CUL1: variants seen among roughly 807,000 people sequenced by gnomAD.
CUL1 encodes the protein cullin-1.
Under a neutral mutation model 118.0 loss-of-function variants are expected in CUL1, and 24 were observed. The observed-to-expected ratio is 0.20, with a 90% CI of 0.15 to 0.29. The LOEUF (loss-of-function observed/expected upper bound fraction) is 0.29, where lower values mean the gene tolerates loss of function less well. CUL1 is among the 10% of genes least tolerant of loss of function. The probability of loss-of-function intolerance (pLI) is 1.00; values close to 1 mark genes in which losing one functional copy is unlikely to be tolerated. For missense variants in CUL1, 361 were observed against 933.8 expected (o/e 0.39, Z 7.99); for synonymous variants, 332 against 340.4 (o/e 0.98, Z 0.27).
intron 2 of CUL1, among the ~76,000 whole-genome samples, chr7:148,736,118 G>A (rs1798933013): frequency 6.6e-6 from 1 of 151,966 alleles, no homozygotes; most frequent in Non-Finnish European, 1.5e-5. Flanking sequence ...AGGCTGCAGT[G>A]AGTCATGATC....
At chr7:148,770,843 G>A (rs1480735322) in intron 9 of CUL1, among the ~76,000 whole-genome samples, 2 of 152,128 alleles carry the variant, frequency 1.3e-5, no homozygotes, top group East Asian at 3.9e-4. Context: ...TGTGGTAAAT[G>A]TAAAAGACAC....
At chr7:148,767,308 C>G (rs1276836245) in intron 8 of CUL1, among the ~76,000 whole-genome samples, 1 of 151,108 alleles carries the variant, frequency 6.6e-6, no homozygotes, top group African/African-American at 2.4e-5. Context: ...TTTTAGGAAG[C>G]ATTAGAGTTG....
At chr7:148,725,372 A>G (rs558867658) in intron 1 of CUL1, among the ~76,000 whole-genome samples, 6 of 152,304 alleles carry the variant, frequency 3.9e-5, no homozygotes, top group East Asian at 3.9e-4. Context: ...TCCCAGTGTT[A>G]GCGCCATCGG....
chr7:148,711,878 A>C (rs1798065736), intron 1 of CUL1, among the ~76,000 whole-genome samples: 1 of 152,228 alleles, frequency 6.6e-6, no homozygotes, highest in Non-Finnish European at 1.5e-5. Context: ...GAGATTGTTC[A>C]TCTAAATGGG....
chr7:148,788,175 C>G (rs550854421), intron 13 of CUL1, among the ~76,000 whole-genome samples: 29 of 152,320 alleles, frequency 1.9e-4, no homozygotes, highest in African/African-American at 5.8e-4. Context: ...TACCTCCACA[C>G]AGCATCACGT....
At chr7:148,717,634 A>T (rs1798258910) in intron 1 of CUL1, among the ~76,000 whole-genome samples, 1 of 151,604 alleles carries the variant, frequency 6.6e-6, no homozygotes, top group East Asian at 1.9e-4. Context: ...AAGACCTTGC[A>T]TCCTCTTCCC....
intron 2 of CUL1, among the ~76,000 whole-genome samples, chr7:148,750,149 G>A (rs938541377): frequency 3.3e-5 from 5 of 152,218 alleles, no homozygotes; most frequent in Admixed American, 1.3e-4. Flanking sequence ...TTTTATAACA[G>A]TAGTGCAAGG....
chr7:148,721,553 A>G (rs1798397751), intron 1 of CUL1, among the ~76,000 whole-genome samples: 1 of 152,096 alleles, frequency 6.6e-6, no homozygotes, highest in South Asian at 2.1e-4. Flanking sequence ...ATTTTTCAAC[A>G]TATGTACAAT....
At chr7:148,737,585 TA>T (rs1798998614) in intron 2 of CUL1, among the ~76,000 whole-genome samples, 1 of 118,496 alleles carries the variant, frequency 8.4e-6, no homozygotes, top group African/African-American at 6.8e-5. Flanking sequence ...TATATTTATT[TA>T]TTTATTTATT....
chr7:148,737,985 C>G (rs1054187646), intron 2 of CUL1, among the ~76,000 whole-genome samples: 1 of 152,180 alleles, frequency 6.6e-6, no homozygotes, highest in Non-Finnish European at 1.5e-5. Context: ...ATTTCCACTT[C>G]TTAAGTCGCA....
At chr7:148,766,750 G>A in intron 8 of CUL1, 27 bp downstream of exon 8, 1 of 1,585,164 alleles carries the variant, frequency 6.3e-7, no homozygotes, top group Non-Finnish European at 8.6e-7. Flanking sequence ...ATAAAATGTA[G>A]GTATTTATAA....
chr7:148,792,458 T>C (rs1268575374), intron 16 of CUL1, among the ~76,000 whole-genome samples: 1 of 152,220 alleles, frequency 6.6e-6, no homozygotes, highest in African/African-American at 2.4e-5. Flanking sequence ...ATAGTATGTA[T>C]CCACATAGAC....
At position 148,783,875 on chromosome 7, in the gene CUL1, G is replaced by A. The variant is rs1455978009; in HGVS notation, c.1176G>A (p.Val392=). ...MSAFNNDAGF[V]AALDKACGRF... is the part of the protein sequence containing the mutation. ...CATTCAACAATGACGCTGGCTTTGT[G>A]GCTGCTCTTGATAAGGTAGGTGCGT... Residue 392 remains valine, a synonymous_variant, in exon 10 of 22, where the codon GTG becomes GTA. Transcript: ENST00000325222. The A allele has an allele frequency of 6.2e-7, 1 of 1,614,082 alleles. No individual in the cohort carries two copies. The highest frequency in any genetic ancestry group is 1.3e-5 in the African/African-American group (1 of 75,014).
At chr7:148,767,191 T>C (rs1193752698) in intron 8 of CUL1, among the ~76,000 whole-genome samples, 1 of 152,258 alleles carries the variant, frequency 6.6e-6, no homozygotes, top group African/African-American at 2.4e-5. Context: ...TTTGTTTTTA[T>C]AATTGAGATA....
At chr7:148,779,109 A>C (rs1163256832) in intron 9 of CUL1, among the ~76,000 whole-genome samples, 2 of 152,222 alleles carry the variant, frequency 1.3e-5, no homozygotes, top group Admixed American at 1.3e-4. Flanking sequence ...AGTAAGATAA[A>C]AAGTTATGTG....
At chr7:148,785,326 T>C (rs1800778543) in intron 11 of CUL1, among the ~76,000 whole-genome samples, 1 of 152,116 alleles carries the variant, frequency 6.6e-6, no homozygotes, top group African/African-American at 2.4e-5. Flanking sequence ...GATACTCCAC[T>C]GGGTCTTCAT....
chr7:148,797,348 C>A lies in CUL1; in HGVS notation c.1900-464C>A, dbSNP rs145780117. 6.7e-5 allele frequency among the ~76,000 whole-genome samples: 10 copies of A among 148,232 alleles called. No individual in the cohort carries two copies. In the East Asian group the frequency reaches 2.0e-3, roughly 29 times the overall value. ...CATCCCTAATCCAAAAATCCAGATT[C>A]CAGAATGCTCCACAATCCAAACATT... On this transcript the variant is annotated intron_variant, in intron 17 of 21. Transcript: ENST00000325222.
chr7:148,759,685 C>A, intron 6 of CUL1, 47 bp downstream of exon 6: 2 of 950,246 alleles, frequency 2.1e-6, no homozygotes, highest in East Asian at 2.5e-5. Flanking sequence ...CATCAAATGG[C>A]AATTACAACA....
chr7:148,748,481 A>C (rs1584787984), intron 2 of CUL1, among the ~76,000 whole-genome samples: 1 of 152,318 alleles, frequency 6.6e-6, no homozygotes, highest in East Asian at 1.9e-4. Context: ...CAGGAATATA[A>C]TTTCAAATAT....
Sources: allele counts gnomAD v4.1 joint callset (sites outside exome capture counted in the v4.1 genomes callset), GRCh38; gene constraint gnomAD v4.1.1; transcripts MANE v1.5; gene names NCBI Gene and HGNC (gene_info 2026-07-23, HGNC 2026-07-21).